HOXC4: variants seen among roughly 807,000 people sequenced by gnomAD.
HOXC4 encodes the protein homeobox C4, also known as homeobox protein Hox-C4.
Under a neutral mutation model 25.5 loss-of-function variants are expected in HOXC4, and 15 were observed. The ratio of observed to expected loss-of-function variants is 0.59; its 90% CI spans 0.39 to 0.91. The LOEUF (loss-of-function observed/expected upper bound fraction) is 0.91. Ranked by LOEUF, HOXC4 falls within the 40% of genes least tolerant of loss-of-function variation. The probability of loss-of-function intolerance (pLI) is 0.00; values close to 1 mark genes in which losing one functional copy is unlikely to be tolerated. For synonymous variants in HOXC4, 165 were observed against 148.0 expected, an observed-to-expected ratio of 1.11 and a Z score of -0.83; for missense variants, 342 against 352.4, an observed-to-expected ratio of 0.97 and a Z score of 0.24.
intron 1 of HOXC4, among the ~76,000 whole-genome samples, chr12:54,017,724 G>T (rs1940219838): frequency 6.6e-6 from 1 of 152,158 alleles, no homozygotes; most frequent in African/African-American, 2.4e-5. Flanking sequence ...GCTGCCCACT[G>T]TGTCAGTACC....
At chr12:54,033,416 G>A in intron 1 of HOXC4, 1 of 1,609,580 alleles carries the variant, frequency 6.2e-7, no homozygotes, top group Non-Finnish European at 8.5e-7. Context: ...ACCCCGGGAT[G>A]TACAGTCAGA....
intron 1 of HOXC4, among the ~76,000 whole-genome samples, chr12:54,036,433 C>G (rs1247753114): frequency 6.6e-6 from 1 of 152,128 alleles, no homozygotes; most frequent in South Asian, 2.1e-4. Context: ...AATGCTGATG[C>G]TCCTTGGATT....
intron 1 of HOXC4, among the ~76,000 whole-genome samples, chr12:54,041,455 A>G (rs1290389806): frequency 6.6e-6 from 1 of 152,224 alleles, no homozygotes; most frequent in Non-Finnish European, 1.5e-5. Flanking sequence ...TGGACCTCTA[A>G]GCACCCCCCT....
intron 1 of HOXC4, among the ~76,000 whole-genome samples, chr12:54,036,084 T>C (rs2136452460): frequency 6.6e-6 from 1 of 152,108 alleles, no homozygotes; most frequent in South Asian, 2.1e-4. Flanking sequence ...TATCTCAGTC[T>C]CTGGGATTTT....
chr12:54,033,554 G>A (rs1476331806), intron 1 of HOXC4: 7 of 1,594,700 alleles, frequency 4.4e-6, no homozygotes, highest in Non-Finnish European at 6.0e-6. Flanking sequence ...ACCCGTGGAT[G>A]ACCAAACTGC....
intron 1 of HOXC4, chr12:54,033,146 A>C (rs1206187204): frequency 1.2e-6 from 2 of 1,610,802 alleles, no homozygotes; most frequent in Non-Finnish European, 1.7e-6. Flanking sequence ...TAGCCAATTC[A>C]TTCTATAAGC....
rs35406888 is a variant in HOXC4 at position 54,054,943 on chromosome 12, A to G, written c.533A>G (p.Asn178Ser). 5,831 of 1,613,924 alleles carry G rather than the reference A, an allele frequency of 3.6e-3. 19 individuals carry two copies. Among genetic ancestry groups the G allele is most frequent in the Non-Finnish European group, 3.8e-3 (4,457 of 1,179,970 alleles). The change falls in exon 2 of 2, where the codon AAC becomes AGC. Residue 178 changes from asparagine (N) to serine (S), a missense_variant. Physicochemically the swap from Asn to Ser is conservative, Grantham distance 46. Coordinates refer to ENST00000430889, the MANE Select transcript of HOXC4 (RefSeq NM_153633.3). ...VLELEKEFHY[N>S]RYLTRRRRIE... ...GAATTAGAGAAAGAGTTTCATTACA[A>G]CCGCTACCTGACCCGAAGGAGAAGG... is the stretch of plus-strand genomic sequence containing the variant.
At chr12:54,041,958 C>G (rs1344110398) in intron 1 of HOXC4, among the ~76,000 whole-genome samples, 1 of 150,388 alleles carries the variant, frequency 6.6e-6, no homozygotes, top group Non-Finnish European at 1.5e-5. Flanking sequence ...CCACCGCGCC[C>G]AGCCTTTTCT....
In HOXC4 at chr12:54,054,101, C is replaced by G; in HGVS notation, c.179C>G (p.Pro60Arg). 6.2e-7 allele frequency: 1 copy of G among 1,614,238 alleles called. No individual in the cohort carries two copies. The highest frequency in any genetic ancestry group is 8.5e-7 in the Non-Finnish European group (1 of 1,180,026). ...QELYPPPPPRPSYPERQYSCT... is the reference protein window; with the variant it reads ...QELYPPPPPRRSYPERQYSCT... ...CTGTACCCACCACCGCCTCCGCGCC[C>G]TAGCTACCCTGAGCGCCAGTATAGC... is the stretch of plus-strand genomic sequence containing the variant. Residue 60 changes from proline (P) to arginine (R), a missense_variant, in exon 1 of 2, where the codon CCT (proline) becomes CGT (arginine). Physicochemically the swap from Pro to Arg is moderately radical, Grantham distance 103. Coordinates refer to ENST00000430889, the MANE Select transcript of HOXC4 (RefSeq NM_153633.3).
In HOXC4 at chr12:54,029,154, G is replaced by A. The variant is rs185812647; in HGVS notation, c.-124+11740G>A. ...TTGGAGGGCCCCAAGGCGGGCTGAG[G>A]GGGCAGGAACAGGGCAGGGGATGAG... is the stretch of plus-strand genomic sequence containing the variant. On this transcript the variant is annotated intron_variant, in intron 1 of 3. Coordinates refer to the HOXC4 transcript ENST00000303406. Among the ~76,000 whole-genome samples, 944 of 152,286 alleles carry A rather than the reference G, an allele frequency of 6.2e-3. 3 individuals carry two copies. Among genetic ancestry groups the A allele is most frequent in the Non-Finnish European group, 0.01 (697 of 68,008 alleles).
intron 1 of HOXC4, chr12:54,029,756 C>A (rs759420807): frequency 1.2e-6 from 2 of 1,614,036 alleles, no homozygotes; most frequent in Non-Finnish European, 1.7e-6. Flanking sequence ...CTACCTAACG[C>A]GGCGCCGGCG....
At chr12:54,032,977 T>C in intron 1 of HOXC4, 1 of 676,432 alleles carries the variant, frequency 1.5e-6, no homozygotes, top group Admixed American at 3.0e-5. Context: ...GGCTCCCTTA[T>C]TTGGGAAGAG....
At chr12:54,037,240 T>G (rs933968442) in intron 1 of HOXC4, among the ~76,000 whole-genome samples, 1 of 152,188 alleles carries the variant, frequency 6.6e-6, no homozygotes, top group Non-Finnish European at 1.5e-5. Flanking sequence ...ATCCCTGATT[T>G]CTCCCTGAAC....
chr12:54,029,762 C>G, intron 1 of HOXC4: 1 of 1,614,124 alleles, frequency 6.2e-7, no homozygotes. Context: ...AACGCGGCGC[C>G]GGCGCATCGA....
chr12:54,019,835 T>G (rs1253985706), intron 1 of HOXC4: 1 of 152,118 alleles, frequency 6.6e-6, no homozygotes, highest in Non-Finnish European at 1.5e-5. Context: ...TAATTGATTT[T>G]CTGTCCCTTC....
chr12:54,033,925 T>C (rs1167259277), intron 1 of HOXC4: 2 of 399,040 alleles, frequency 5.0e-6, no homozygotes, highest in East Asian at 7.0e-5. Flanking sequence ...CCGCCGGCGC[T>C]TGCGGCTCCG....
Position 54,055,747 on chromosome 12 carries a change from T to TGGG in HOXC4, c.*549_*551dup, listed in dbSNP as rs11362454. The TGGG allele has an allele frequency of 6.7e-6, 1 of 149,448 alleles. No individual in the cohort carries two copies. The highest frequency in any genetic ancestry group is 1.5e-5 in the Non-Finnish European group (1 of 67,114). The allele number at this position is 149,448 out of a possible 1,614,324, so 9.3% of individuals were successfully genotyped here. On this transcript the variant is annotated 3_prime_UTR_variant, in exon 2 of 2. Coordinates refer to ENST00000430889, the MANE Select transcript of HOXC4 (RefSeq NM_153633.3). Reference sequence around the variant, plus strand: ...CTATGAAGTTCTTTTGTATTATTGTTGGGGGGGGGTGTGGGAGGAGAGGGG... The same window carrying TGGG: ...CTATGAAGTTCTTTTGTATTATTGTTGGGGGGGGGGGGTGTGGGAGGAGAGGGG...
At position 54,029,573 on chromosome 12, in the gene HOXC4, G is replaced by T. The variant is rs932549537; in HGVS notation, c.-124+12159G>T. 25 of 1,448,968 alleles carry T rather than the reference G, an allele frequency of 1.7e-5. No homozygotes were observed. In the South Asian group the frequency reaches 3.1e-4, roughly 18 times the overall value. The allele number at this position is 1,448,968 out of a possible 1,614,324, so 89.8% of individuals were successfully genotyped here. ...TGTGAGCTGCTGGCCAGGTTGGGAG[G>T]GTCAGGACTTTGCTAGGCGAAACAG... On this transcript the variant is annotated intron_variant, in intron 1 of 3. Transcript: ENST00000303406.
At chr12:54,050,984 C>G (rs1937831619), upstream of HOXC4, among the ~76,000 whole-genome samples, 1 of 152,100 alleles carries the variant, frequency 6.6e-6, no homozygotes. Flanking sequence ...CTTATACTGG[C>G]CCAAAGTCAG....
Sources: allele counts gnomAD v4.1 joint callset (sites outside exome capture counted in the v4.1 genomes callset), GRCh38; gene constraint gnomAD v4.1.1; transcripts MANE v1.5; gene names NCBI Gene and HGNC (gene_info 2026-07-23, HGNC 2026-07-21).